The following TRIO variants were observed in gnomAD, a reference collection of about 807,000 sequenced individuals.
TRIO encodes trio Rho guanine nucleotide exchange factor.
Under a neutral mutation model 351.9 loss-of-function variants are expected in TRIO, and 58 were observed. The ratio of observed to expected loss-of-function variants is 0.16; its 90% CI spans 0.13 to 0.21. TRIO has a LOEUF of 0.21. Ranked by LOEUF, TRIO falls within the 10% of genes least tolerant of loss-of-function variation. The pLI is 1.00. For missense variants in TRIO, 3,201 were observed against 4,027.8 expected (o/e 0.79, Z 5.56); for synonymous variants, 1,758 against 1,595.7 (o/e 1.10, Z -2.42).
In TRIO at chr5:14,482,702, A is replaced by T; in HGVS notation, c.6586A>T (p.Ile2196Leu). The change falls in exon 46 of 57, where the codon ATA becomes TTA. Residue 2196 changes from isoleucine (I) to leucine (L), a missense_variant. Physicochemically the swap from Ile to Leu is conservative, Grantham distance 5. This residue lies in a region of TRIO where 1,089 missense variants were observed against 954.9 expected (regional missense o/e 1.14). Coordinates refer to ENST00000344204, the MANE Select transcript of TRIO (RefSeq NM_007118.4). ...RRIFLFEQIV[I>L]FSEPLDKKKG... ...CATCTTCCTCTTTGAGCAGATCGTC[A>T]TATTCAGCGAACCACTTGATAAAAA... 1 of 1,611,608 alleles carries T rather than the reference A, an allele frequency of 6.2e-7. No individual in the cohort carries two copies. Among genetic ancestry groups the T allele is most frequent in the Non-Finnish European group, 8.5e-7 (1 of 1,178,396 alleles).
rs376715875 is a variant in TRIO at position 14,439,539 on chromosome 5, G to C, written c.5203+19518G>C. Among the ~76,000 whole-genome samples the C allele has an allele frequency of 1.4e-4, 21 of 152,334 alleles. No individual in the cohort carries two copies. The East Asian group carries it at 1.7e-3, about 13-fold the overall frequency. On this transcript the variant is annotated intron_variant, in intron 34 of 56. Transcript: ENST00000344204. ...GGACAAAGTCAACTTTTTAATAACG[G>C]TTGTAGTAACTGAAACCTTAGAATG...
intron 7 of TRIO, among the ~76,000 whole-genome samples, chr5:14,302,440 G>C (rs1234843655): frequency 6.6e-6 from 1 of 152,080 alleles, no homozygotes; most frequent in Non-Finnish European, 1.5e-5. Context: ...TTAATAATTG[G>C]TATTAAATGC....
intron 34 of TRIO, among the ~76,000 whole-genome samples, chr5:14,443,190 C>T (rs1489268508): frequency 6.6e-6 from 1 of 152,084 alleles, no homozygotes; most frequent in East Asian, 1.9e-4. Context: ...AGGTGGTGTT[C>T]TTCAAGCTGT....
At chr5:14,160,967 G>A (rs1581251267) in intron 1 of TRIO, among the ~76,000 whole-genome samples, 2 of 152,252 alleles carry the variant, frequency 1.3e-5, no homozygotes, top group Middle Eastern at 6.8e-3. Context: ...CTGGAGTGCA[G>A]CGGTGTGATT....
chr5:14,220,680 C>T (rs1322827086), intron 1 of TRIO, among the ~76,000 whole-genome samples: 1 of 152,190 alleles, frequency 6.6e-6, no homozygotes, highest in Admixed American at 6.5e-5. Context: ...GATAGAAGAT[C>T]TAGCCAGCCA....
At chr5:14,399,204 T>A in intron 30 of TRIO, 134 bp downstream of exon 30, 1 of 860,836 alleles carries the variant, frequency 1.2e-6, no homozygotes, top group Non-Finnish European at 1.8e-6. Flanking sequence ...TGAATTGTGG[T>A]AGGGTTTTCA....
At chr5:14,329,132 C>G (rs1740674490) in intron 9 of TRIO, among the ~76,000 whole-genome samples, 1 of 152,150 alleles carries the variant, frequency 6.6e-6, no homozygotes, top group East Asian at 1.9e-4. Context: ...CTCTACAGTA[C>G]AGTTGATCAA....
intron 34 of TRIO, 196 bp downstream of exon 34, chr5:14,420,217 A>ATTATTTCTGAGTCGTGG: frequency 1.3e-6 from 1 of 752,644 alleles, no homozygotes; most frequent in Non-Finnish European, 2.1e-6. Context: ...CCCACGACTC[A>ATTATTTCTGAGTCGTGG]GAAATAATGA....
At position 14,297,121 on chromosome 5, in the gene TRIO, T is replaced by C. The variant is rs951795219; in HGVS notation, c.1226T>C (p.Val409Ala). The C allele has an allele frequency of 1.9e-6, 3 of 1,614,106 alleles. No individual in the cohort carries two copies. The highest frequency in any genetic ancestry group is 2.5e-6 in the Non-Finnish European group (3 of 1,179,998). ...NRIMSVANRLVESGHYASQQI... is the reference protein window; with the variant it reads ...NRIMSVANRLAESGHYASQQI... ...ATCATGTCGGTGGCCAATCGTCTGGTGGAGTCTGGCCACTATGCCTCGCAG... is the reference window on the plus strand; with the variant it reads ...ATCATGTCGGTGGCCAATCGTCTGGCGGAGTCTGGCCACTATGCCTCGCAG... Residue 409 changes from valine to alanine, a missense_variant, in exon 7 of 57, where the codon GTG (valine) becomes GCG (alanine). Physicochemically the swap from Val to Ala is moderately conservative, Grantham distance 64. This residue lies in a region of TRIO where 349 missense variants were observed against 449.3 expected (regional missense o/e 0.78). Coordinates refer to ENST00000344204, the MANE Select transcript of TRIO (RefSeq NM_007118.4).
intron 1 of TRIO, among the ~76,000 whole-genome samples, chr5:14,267,558 A>G (rs1795755384): frequency 6.6e-6 from 1 of 152,240 alleles, no homozygotes; most frequent in Non-Finnish European, 1.5e-5. Flanking sequence ...AATAGCAGAG[A>G]AGCCACTTAT....
intron 1 of TRIO, among the ~76,000 whole-genome samples, chr5:14,161,648 C>A (rs1358398581): frequency 2.6e-5 from 4 of 152,184 alleles, no homozygotes; most frequent in Non-Finnish European, 5.9e-5. Context: ...GGAAAGTTTT[C>A]TTTAAAAATA....
chr5:14,359,335 G>C (rs780542232), intron 12 of TRIO, 22 bp from the exon 13 acceptor site: 13 of 1,598,896 alleles, frequency 8.1e-6, no homozygotes, highest in Non-Finnish European at 1.0e-5. Flanking sequence ...TCCAATTCCT[G>C]TTCCTCTGTG....
At chr5:14,282,391 A>G (rs997640004) in intron 3 of TRIO, among the ~76,000 whole-genome samples, 1 of 152,194 alleles carries the variant, frequency 6.6e-6, no homozygotes, top group Non-Finnish European at 1.5e-5. Context: ...TTTAATAAGA[A>G]CTAAAGTTGA....
chr5:14,386,146 G>A (rs1459839594), intron 21 of TRIO, among the ~76,000 whole-genome samples: 1 of 152,206 alleles, frequency 6.6e-6, no homozygotes, highest in Non-Finnish European at 1.5e-5. Flanking sequence ...CAGTTTAAGG[G>A]GGTCCAGGGA....
chr5:14,215,908 C>T (rs1792187679), intron 1 of TRIO, among the ~76,000 whole-genome samples: 1 of 152,188 alleles, frequency 6.6e-6, no homozygotes. Context: ...TTTTCTTTAG[C>T]GATTAAGAAC....
intron 40 of TRIO, among the ~76,000 whole-genome samples, chr5:14,475,115 C>T (rs1357814802): frequency 6.6e-6 from 1 of 152,222 alleles, no homozygotes; most frequent in African/African-American, 2.4e-5. Flanking sequence ...GCTACCAGAG[C>T]TTGTCAACAT....
At chr5:14,268,467 T>C (rs1204121135) in intron 1 of TRIO, among the ~76,000 whole-genome samples, 1 of 152,242 alleles carries the variant, frequency 6.6e-6, no homozygotes, top group Non-Finnish European at 1.5e-5. Context: ...CAAGTGGGGC[T>C]CTGTCTCTCT....
At position 14,248,564 on chromosome 5, in the gene TRIO, A is replaced by G. The variant is rs183788146; in HGVS notation, c.158-22261A>G. Reference sequence around the variant, plus strand: ...GTGAGGGGGACAAGGCCTGCCTGGAACAGAAGGCAGCTCAGGGCCTGGGAG... The same window carrying G: ...GTGAGGGGGACAAGGCCTGCCTGGAGCAGAAGGCAGCTCAGGGCCTGGGAG... On this transcript the variant is annotated intron_variant, in intron 1 of 56. Transcript: ENST00000344204. 3.2e-3 allele frequency among the ~76,000 whole-genome samples: 493 copies of G among 152,342 alleles called. 1 individual carries two copies. The highest frequency in any genetic ancestry group is 0.011 in the African/African-American group (452 of 41,586).
At chr5:14,242,783 TG>T (rs1794204153) in intron 1 of TRIO, among the ~76,000 whole-genome samples, 1 of 152,230 alleles carries the variant, frequency 6.6e-6, no homozygotes. Context: ...CTCACTGTGT[TG>T]TTCAGGCTAT....
Sources: allele counts gnomAD v4.1 joint callset (sites outside exome capture counted in the v4.1 genomes callset), GRCh38; gene constraint gnomAD v4.1.1; regional missense constraint gnomAD v4.1.1; transcripts MANE v1.5; gene names NCBI Gene and HGNC (gene_info 2026-07-23, HGNC 2026-07-21).